LETM2: variants seen among roughly 807,000 people sequenced by gnomAD.
LETM2 encodes the protein leucine zipper and EF-hand containing transmembrane protein 2.
Under a neutral mutation model 59.6 loss-of-function variants are expected in LETM2, and 58 were observed. The ratio of observed to expected loss-of-function variants is 0.97; its 90% confidence interval spans 0.79 to 1.21. The LOEUF (loss-of-function observed/expected upper bound fraction) is 1.21, where lower values mean the gene tolerates loss of function less well. Ranked by LOEUF, LETM2 falls within the 50% of genes most tolerant of loss-of-function variation. LETM2 has a pLI of 0.00. For synonymous variants in LETM2, 199 were observed against 214.1 expected (o/e 0.93, Z 0.62); for missense variants, 572 against 575.7 (o/e 0.99, Z 0.07).
rs763212040 is a variant in LETM2, at chr8:38,404,485, TGA to T, written c.1200_1201del (p.Glu400AspfsTer11). ...YLIDVKPKPI[E>X]IPLSGEAPKT... Reference sequence around the variant, plus strand: ...TGATAGATGTGAAGCCCAAGCCGATTGAGATACCACTCAGTGGGGAGGTGAGT... The same window carrying T: ...TGATAGATGTGAAGCCCAAGCCGATTGATACCACTCAGTGGGGAGGTGAGT... On this transcript the variant is annotated frameshift_variant, in exon 8 of 11. Transcript: ENST00000379957. LOFTEE classifies it high-confidence loss of function. 1 of 1,613,602 alleles carries T rather than the reference TGA, an allele frequency of 6.2e-7. No individual in the cohort carries two copies. The highest frequency in any genetic ancestry group is 1.1e-5 in the South Asian group (1 of 91,072).
chr8:38,398,839 C>G (rs539934234), intron 4 of LETM2, among the ~76,000 whole-genome samples: 1 of 151,560 alleles, frequency 6.6e-6, no homozygotes, highest in Admixed American at 6.6e-5. Flanking sequence ...CCTGCCTCAG[C>G]CTGCTGAGTA....
Position 38,404,516 on chromosome 8 carries a change from TG to T in LETM2, c.1218+13del. On this transcript the variant is annotated intron_variant, in intron 8 of 10. Transcript: ENST00000379957. Reference sequence around the variant, plus strand: ...ACCACTCAGTGGGGAGGTGAGTACCTGGGTTAATGGGGACCCTCGACGTCCA... The same window carrying T: ...ACCACTCAGTGGGGAGGTGAGTACCTGGTTAATGGGGACCCTCGACGTCCA... The T allele has an allele frequency of 6.4e-7, 1 of 1,555,002 alleles. No individual in the cohort carries two copies. Among genetic ancestry groups the T allele is most frequent in the Non-Finnish European group, 8.9e-7 (1 of 1,125,956 alleles).
intron 2 of LETM2, among the ~76,000 whole-genome samples, chr8:38,391,212 C>CAAAAAAAAAAAAAAA (rs1381418029): frequency 1.7e-5 from 2 of 120,116 alleles, no homozygotes; most frequent in African/African-American, 3.1e-5. Context: ...AAAAAAAAAC[C>CAAAAAAAAAAAAAAA]AAAAAACTGA....
chr8:38,399,076 T>G (rs1429415932), intron 4 of LETM2, among the ~76,000 whole-genome samples: 1 of 152,096 alleles, frequency 6.6e-6, no homozygotes, highest in African/African-American at 2.4e-5. Context: ...GGCTGTATCT[T>G]TTAAGATCTA....
intron 4 of LETM2, among the ~76,000 whole-genome samples, chr8:38,399,676 G>T (rs189450450): frequency 6.6e-6 from 1 of 151,948 alleles, no homozygotes; most frequent in Non-Finnish European, 1.5e-5. Context: ...TATTCGAGAG[G>T]CTGAGGCAGG....
At chr8:38,398,033 C>T (rs1042364419) in intron 4 of LETM2, among the ~76,000 whole-genome samples, 2 of 151,526 alleles carry the variant, frequency 1.3e-5, no homozygotes, top group African/African-American at 4.9e-5. Context: ...CCAGCTACTT[C>T]AGAGGCTGAG....
At chr8:38,389,138 G>A (rs936703282) in intron 2 of LETM2, among the ~76,000 whole-genome samples, 1 of 152,192 alleles carries the variant, frequency 6.6e-6, no homozygotes, top group African/African-American at 2.4e-5. Context: ...GATGTAAAGC[G>A]AGTAAAATGG....
chr8:38,396,464 G>A (rs1025584100), intron 4 of LETM2, among the ~76,000 whole-genome samples: 11 of 152,050 alleles, frequency 7.2e-5, no homozygotes, highest in African/African-American at 2.7e-4. Flanking sequence ...GCGCCAGGCC[G>A]AGTTAATTTT....
intron 9 of LETM2, 149 bp from the exon 10 acceptor site, chr8:38,407,213 C>T (rs562321475): frequency 3.9e-5 from 29 of 746,310 alleles, no homozygotes; most frequent in Middle Eastern, 2.4e-4. Context: ...TTTGGCTACA[C>T]GTAATTAGGT....
At position 38,407,110 on chromosome 8, in the gene LETM2, T is replaced by G. The variant is rs1813788614; in HGVS notation, c.1311+72T>G. The G allele has an allele frequency of 4.4e-6, 4 of 902,648 alleles. No individual in the cohort carries two copies. In the South Asian group the frequency reaches 5.5e-5, roughly 12 times the overall value. The allele number at this position is 902,648 out of a possible 1,614,324, so 55.9% of individuals were successfully genotyped here. On this transcript the variant is annotated intron_variant, in intron 9 of 10. Transcript: ENST00000379957. Reference sequence around the variant, plus strand: ...ATAGCAATGGGTCATTTTCTCCTGTTTTAATCCCCTTAATGAAATTGAAAT... The same window carrying G: ...ATAGCAATGGGTCATTTTCTCCTGTGTTAATCCCCTTAATGAAATTGAAAT...
chr8:38,383,669 G>C (rs978302364), upstream of LETM2, among the ~76,000 whole-genome samples: 9 of 151,766 alleles, frequency 5.9e-5, no homozygotes, highest in Non-Finnish European at 1.2e-4. Flanking sequence ...AGTGGCTCAC[G>C]CCTGTAATCC....
At chr8:38,394,272 T>C in intron 4 of LETM2, 31 bp downstream of exon 4, 2 of 1,333,540 alleles carry the variant, frequency 1.5e-6, no homozygotes, top group Non-Finnish European at 9.9e-7. Flanking sequence ...TAAAATTTAA[T>C]AAACCTTATT....
At chr8:38,393,937 G>A (rs1016998519) in intron 3 of LETM2, 161 bp from the exon 4 acceptor site, 5 of 486,654 alleles carry the variant, frequency 1.0e-5, no homozygotes, top group African/African-American at 4.0e-5. Flanking sequence ...GAAGGATTGC[G>A]TGAGCCCAGG....
At chr8:38,388,567 CA>C (rs1358506733) in intron 2 of LETM2, among the ~76,000 whole-genome samples, 1 of 149,452 alleles carries the variant, frequency 6.7e-6, no homozygotes, top group Non-Finnish European at 1.5e-5. Flanking sequence ...ACTAAAACTG[CA>C]AAAATTAGCC....
intron 4 of LETM2, among the ~76,000 whole-genome samples, chr8:38,399,401 CTTTG>C (rs901919332): frequency 7.9e-5 from 12 of 152,094 alleles, no homozygotes; most frequent in African/African-American, 2.4e-4. Flanking sequence ...TCCTAGTTTT[CTTTG>C]TTTGTAAAGA....
chr8:38,397,334 A>G (rs1260859107), intron 4 of LETM2, among the ~76,000 whole-genome samples: 2 of 152,118 alleles, frequency 1.3e-5, no homozygotes, highest in Non-Finnish European at 2.9e-5. Flanking sequence ...CTGCCACCAC[A>G]CCCAGCTAAT....
chr8:38,387,451 C>G (rs573047250), intron 1 of LETM2, among the ~76,000 whole-genome samples: 1 of 152,060 alleles, frequency 6.6e-6, no homozygotes, highest in Non-Finnish European at 1.5e-5. Context: ...TCCACTTGAG[C>G]GATTAGTAGG....
At chr8:38,397,094 G>A (rs563432250) in intron 4 of LETM2, 26 of 456,064 alleles carry the variant, frequency 5.7e-5, no homozygotes, top group East Asian at 1.4e-4. Context: ...CCTTCTCCCC[G>A]TTCTGTGCCA....
At chr8:38,388,752 TTTTG>T (rs1007129568) in intron 2 of LETM2, among the ~76,000 whole-genome samples, 5 of 151,462 alleles carry the variant, frequency 3.3e-5, no homozygotes, top group African/African-American at 7.3e-5. Flanking sequence ...ATGTAGTTTT[TTTTG>T]TTTGTTTGTT....
Sources: allele counts gnomAD v4.1 joint callset (sites outside exome capture counted in the v4.1 genomes callset), GRCh38; gene constraint gnomAD v4.1.1; transcripts MANE v1.5; gene names NCBI Gene and HGNC (gene_info 2026-07-23, HGNC 2026-07-21).